Variants in IGF1R observed in about 807,000 individuals in gnomAD.
IGF1R encodes the protein insulin like growth factor 1 receptor, also known as insulin-like growth factor 1 receptor.
A neutral mutation model predicts 144.6 loss-of-function variants in IGF1R; 44 were observed. That is an observed-to-expected ratio of 0.30 (90% CI 0.24 to 0.39). The LOEUF (loss-of-function observed/expected upper bound fraction) is 0.39, where lower values mean the gene tolerates loss of function less well. IGF1R is among the 10% of genes least tolerant of loss of function. The pLI, the probability that IGF1R is intolerant of heterozygous loss-of-function variation, is 1.00. For synonymous variants in IGF1R, 795 were observed against 722.8 expected (o/e 1.10, Z -1.60); for missense variants, 1,355 against 1,833.7 (o/e 0.74, Z 4.77).
chr15:98,706,933 C>T (rs921875999), intron 1 of IGF1R, among the ~76,000 whole-genome samples: 13 of 13,666 alleles, frequency 9.5e-4, no homozygotes, highest in South Asian at 3.8e-3. Context: ...AAAAAAATCA[C>T]GTTTTTAATC....
chr15:98,867,840 G>T (rs1044441561), intron 2 of IGF1R, among the ~76,000 whole-genome samples: 1 of 152,200 alleles, frequency 6.6e-6, no homozygotes, highest in Admixed American at 6.5e-5. Flanking sequence ...TATTTTTAAA[G>T]TAGGAATAAT....
rs139585375 is a variant in IGF1R, at chr15:98,833,410, G to A, written c.641-57915G>A. Reference sequence around the variant, plus strand: ...GACACCTTCCTAATGTTTGTTCCACGTAAGCCCCCGGAGCACAGTATTTCC... The same window carrying A: ...GACACCTTCCTAATGTTTGTTCCACATAAGCCCCCGGAGCACAGTATTTCC... On this transcript the variant is annotated intron_variant, in intron 2 of 20. Coordinates refer to ENST00000650285, the MANE Select transcript of IGF1R (RefSeq NM_000875.5). Among the ~76,000 whole-genome samples, 33 of 152,290 alleles carry A rather than the reference G, an allele frequency of 2.2e-4. No individual in the cohort carries two copies. The East Asian group carries it at 3.1e-3, about 14-fold the overall frequency.
At position 98,963,824 on chromosome 15, in the gene IGF1R, C is replaced by G. The variant is rs1183492642; in HGVS notation, c.*6382C>G. 1 of 232,538 alleles carries G rather than the reference C, an allele frequency of 4.3e-6. No individual in the cohort carries two copies. The highest frequency in any genetic ancestry group is 1.8e-4 in the South Asian group (1 of 5,516). 14.4% of individuals were successfully genotyped at this position (232,538 alleles called of 1,614,324 possible). The stretch of plus-strand genomic sequence containing the variant: ...AATTTTTAATAAAAACTATAACATA[C>G]ACAAAAATTGGTTTTAAAGTTGACT... On this transcript the variant is annotated 3_prime_UTR_variant, in exon 21 of 21. Coordinates refer to ENST00000650285, the MANE Select transcript of IGF1R (RefSeq NM_000875.5).
At chr15:98,866,715 C>T (rs2012468682) in intron 2 of IGF1R, among the ~76,000 whole-genome samples, 1 of 152,198 alleles carries the variant, frequency 6.6e-6, no homozygotes, top group Admixed American at 6.5e-5. Flanking sequence ...AGAGGAAGCG[C>T]TGGCGGTCGT....
chr15:98,795,893 C>T (rs575594537), intron 2 of IGF1R, among the ~76,000 whole-genome samples: 13 of 152,330 alleles, frequency 8.5e-5, no homozygotes, highest in South Asian at 4.1e-4. Flanking sequence ...TTGAAACACC[C>T]GTGTAAACTA....
chr15:98,666,773 G>A (rs1039279919), intron 1 of IGF1R, among the ~76,000 whole-genome samples: 1 of 152,140 alleles, frequency 6.6e-6, no homozygotes, highest in African/African-American at 2.4e-5. Flanking sequence ...GTGTTTAATG[G>A]GTACAGAGTT....
chr15:98,767,060 CT>C (rs1320362202), intron 2 of IGF1R, among the ~76,000 whole-genome samples: 1 of 152,108 alleles, frequency 6.6e-6, no homozygotes, highest in African/African-American at 2.4e-5. Flanking sequence ...ACCTTCTGAA[CT>C]TTTAGAAATC....
Position 98,899,465 on chromosome 15 carries a change from C to T in IGF1R, c.1103-12C>T, listed in dbSNP as rs750880992. ...AGTGAGCACACAGTGACACAATCCCCTTTCAATGTAGATAACATTGCTTCA... is the reference window on the plus strand; with the variant it reads ...AGTGAGCACACAGTGACACAATCCCTTTTCAATGTAGATAACATTGCTTCA... On this transcript the variant is annotated splice_polypyrimidine_tract_variant and intron_variant, in intron 4 of 20. Transcript: ENST00000650285. 2 of 1,613,612 alleles carry T rather than the reference C, an allele frequency of 1.2e-6. No homozygotes were observed. The highest frequency in any genetic ancestry group is 2.2e-5 in the East Asian group (1 of 44,876).
chr15:98,728,041 A>G (rs1356742489), intron 2 of IGF1R, among the ~76,000 whole-genome samples: 1 of 141,104 alleles, frequency 7.1e-6, no homozygotes, highest in Admixed American at 7.3e-5. Flanking sequence ...AGCGAGCAGC[A>G]GCAAGATTTA....
intron 2 of IGF1R, among the ~76,000 whole-genome samples, chr15:98,749,224 C>T (rs1168029859): frequency 1.3e-5 from 2 of 150,470 alleles, no homozygotes; most frequent in East Asian, 1.9e-4. Flanking sequence ...TTTAATTTGC[C>T]TATTTTTAAA....
intron 2 of IGF1R, among the ~76,000 whole-genome samples, chr15:98,750,981 G>A (rs1253796490): frequency 6.6e-6 from 1 of 152,044 alleles, no homozygotes; most frequent in Admixed American, 6.6e-5. Flanking sequence ...TGTAGAGACA[G>A]GGTTTCATCA....
At chr15:98,749,218 AT>A (rs2054944801) in intron 2 of IGF1R, among the ~76,000 whole-genome samples, 1 of 149,284 alleles carries the variant, frequency 6.7e-6, no homozygotes, top group Non-Finnish European at 1.5e-5. Flanking sequence ...ATACCCTTTA[AT>A]TTGCCTATTT....
At chr15:98,656,358 T>A (rs1798088306) in intron 1 of IGF1R, among the ~76,000 whole-genome samples, 1 of 152,210 alleles carries the variant, frequency 6.6e-6, no homozygotes, top group Non-Finnish European at 1.5e-5. Flanking sequence ...AAGACCAGCC[T>A]GGCCAACATG....
chr15:98,712,392 G>A (rs1317557796), intron 2 of IGF1R, among the ~76,000 whole-genome samples: 3 of 151,648 alleles, frequency 2.0e-5, no homozygotes, highest in Admixed American at 6.6e-5. Context: ...CTCTTAAGTG[G>A]GCCACACTTT....
chr15:98,782,273 C>G (rs1054070980), intron 2 of IGF1R, among the ~76,000 whole-genome samples: 1 of 152,058 alleles, frequency 6.6e-6, no homozygotes, highest in Non-Finnish European at 1.5e-5. Flanking sequence ...AAGGAAGCAG[C>G]TTTGTTTACC....
At chr15:98,924,880 G>A (rs1296065698) in intron 13 of IGF1R, among the ~76,000 whole-genome samples, 196 bp downstream of exon 13, 1 of 152,120 alleles carries the variant, frequency 6.6e-6, no homozygotes, top group Non-Finnish European at 1.5e-5. Context: ...GCCGAGCTTT[G>A]GGCTCCTACC....
Position 98,961,555 on chromosome 15 carries a change from A to G in IGF1R, c.*4113A>G, listed in dbSNP as rs2017227777. The G allele has an allele frequency of 1.3e-5, 3 of 233,604 alleles. No individual in the cohort carries two copies. Among genetic ancestry groups the G allele is most frequent in the Non-Finnish European group, 8.5e-6 (1 of 118,064 alleles). 14.5% of individuals were successfully genotyped at this position (233,604 alleles called of 1,614,324 possible). On this transcript the variant is annotated 3_prime_UTR_variant, in exon 21 of 21. Coordinates refer to ENST00000650285, the MANE Select transcript of IGF1R (RefSeq NM_000875.5). ...CTTGATTTTTCTCTGTGTGTTCCAA[A>G]TAATCTTAAGCTGAGTTGTGGCATT...
chr15:98,746,015 G>A lies in IGF1R; in HGVS notation c.640+37908G>A, dbSNP rs144136576. Reference sequence around the variant, plus strand: ...GACTGGTTAATACACTAAGATATATGCACAAAATGGAATGCTCTGCTGCTG... The same window carrying A: ...GACTGGTTAATACACTAAGATATATACACAAAATGGAATGCTCTGCTGCTG... On this transcript the variant is annotated intron_variant, in intron 2 of 20. Coordinates refer to ENST00000650285, the MANE Select transcript of IGF1R (RefSeq NM_000875.5). Among the ~76,000 whole-genome samples the A allele has an allele frequency of 2.3e-4, 35 of 152,294 alleles. No homozygotes were observed. In the East Asian group the frequency reaches 6.6e-3, roughly 29 times the overall value.
chr15:98,742,185 G>A (rs1242944317), intron 2 of IGF1R, among the ~76,000 whole-genome samples: 4 of 152,168 alleles, frequency 2.6e-5, no homozygotes, highest in Admixed American at 6.5e-5. Flanking sequence ...ATCTTATTCC[G>A]GAGGAGTGTA....
Sources: gnomAD v4.1 joint callset for allele counts (sites outside exome capture counted in the v4.1 genomes callset) on GRCh38, gnomAD v4.1.1 for gene constraint, MANE v1.5 for transcripts, NCBI Gene and HGNC (gene_info 2026-07-23, HGNC 2026-07-21) for gene names.